The following RPS6KC1 variants were observed in gnomAD, a reference collection of about 807,000 sequenced individuals.
RPS6KC1 encodes inactive ribosomal protein S6 kinase delta-1.
Under a neutral mutation model 103.8 loss-of-function variants are expected in RPS6KC1, and 54 were observed. The observed-to-expected ratio is 0.52, with a 90% CI of 0.42 to 0.65. The LOEUF (loss-of-function observed/expected upper bound fraction) is 0.65. Among genes scored for constraint, RPS6KC1 ranks in the 30% least tolerant of loss-of-function variants. The probability of loss-of-function intolerance (pLI) is 0.00; values close to 1 mark genes in which losing one functional copy is unlikely to be tolerated. For missense variants in RPS6KC1, 1,151 were observed against 1,253.8 expected (o/e 0.92, Z 1.24); for synonymous variants, 439 against 438.7 (o/e 1.00, Z -0.01).
chr1:213,532,823 C>T, the RPS6KC1 span, among the ~76,000 whole-genome samples: 17,722 of 152,172 alleles, frequency 0.12, 1,150 homozygotes, highest in African/African-American at 0.14. Context: ...CATGTGCCAC[C>T]GTCTTGAGAG....
At chr1:213,108,651 TTC>T (rs2082715327) in intron 4 of RPS6KC1, among the ~76,000 whole-genome samples, 1 of 150,446 alleles carries the variant, frequency 6.6e-6, no homozygotes, top group African/African-American at 2.4e-5. Context: ...ATTATTTTAC[TTC>T]TTTTTTTTTT....
the RPS6KC1 span, among the ~76,000 whole-genome samples, chr1:213,456,061 G>A: frequency 6.6e-6 from 1 of 152,120 alleles, no homozygotes; most frequent in East Asian, 1.9e-4. Context: ...CCCAGCCTGT[G>A]CCATCAGAGA....
intron 3 of RPS6KC1, among the ~76,000 whole-genome samples, chr1:213,082,088 T>C (rs969429904): frequency 2.6e-5 from 4 of 151,984 alleles, no homozygotes; most frequent in Non-Finnish European, 5.9e-5. Context: ...AGCTATGGGC[T>C]TTGAGGAGTG....
chr1:213,355,691 C>G, the RPS6KC1 span, among the ~76,000 whole-genome samples: 1 of 152,086 alleles, frequency 6.6e-6, no homozygotes, highest in Non-Finnish European at 1.5e-5. Flanking sequence ...ACTTAGTTAC[C>G]TTTTTGTTTT....
At chr1:213,097,311 G>T (rs185211496) in intron 3 of RPS6KC1, among the ~76,000 whole-genome samples, 2 of 151,460 alleles carry the variant, frequency 1.3e-5, no homozygotes, top group African/African-American at 4.8e-5. Context: ...CTGAGATCGC[G>T]CCACTGCACT....
At chr1:213,479,477 C>T in the RPS6KC1 span, among the ~76,000 whole-genome samples, 5 of 151,948 alleles carry the variant, frequency 3.3e-5, no homozygotes, top group Non-Finnish European at 2.9e-5. Context: ...TGCATCTCTC[C>T]GATTACTTTC....
At chr1:213,743,726 G>T in the RPS6KC1 span, among the ~76,000 whole-genome samples, 10 of 152,292 alleles carry the variant, frequency 6.6e-5, no homozygotes, top group East Asian at 1.9e-3. Context: ...GCACCACCCA[G>T]CCTATGCCGC....
At chr1:213,708,999 G>T in the RPS6KC1 span, among the ~76,000 whole-genome samples, 108 of 152,204 alleles carry the variant, frequency 7.1e-4, no homozygotes, top group African/African-American at 2.6e-3. Context: ...CAGGGATATC[G>T]GCCTGAAATT....
chr1:213,201,673 G>T (rs1458131750), intron 8 of RPS6KC1, among the ~76,000 whole-genome samples: 1 of 152,212 alleles, frequency 6.6e-6, no homozygotes, highest in Non-Finnish European at 1.5e-5. Flanking sequence ...CGGAGGTTGT[G>T]TGTGTTTGAG....
chr1:213,286,037 GAT>G, the RPS6KC1 span, among the ~76,000 whole-genome samples: 8 of 152,182 alleles, frequency 5.3e-5, no homozygotes, highest in Non-Finnish European at 1.0e-4. Context: ...GGACAAAACA[GAT>G]AATATTGGAA....
chr1:213,373,415 C>T, the RPS6KC1 span, among the ~76,000 whole-genome samples: 1 of 152,226 alleles, frequency 6.6e-6, no homozygotes, highest in Non-Finnish European at 1.5e-5. Context: ...GTTCTTATTT[C>T]AGCCCTTGGA....
the RPS6KC1 span, among the ~76,000 whole-genome samples, chr1:213,400,209 A>G: frequency 6.6e-6 from 1 of 152,116 alleles, no homozygotes; most frequent in Non-Finnish European, 1.5e-5. Context: ...GAAGGAAGGA[A>G]GGGAGAGCAG....
chr1:213,295,311 A>G, the RPS6KC1 span, among the ~76,000 whole-genome samples: 5 of 152,216 alleles, frequency 3.3e-5, no homozygotes, highest in Non-Finnish European at 7.3e-5. Context: ...GGAAGTAGAT[A>G]AGGCAACTGT....
the RPS6KC1 span, among the ~76,000 whole-genome samples, chr1:213,477,136 C>G: frequency 1.3e-5 from 2 of 152,314 alleles, no homozygotes; most frequent in African/African-American, 4.8e-5. Flanking sequence ...GTGGCTGCCT[C>G]ACCTGTTCCT....
intron 8 of RPS6KC1, among the ~76,000 whole-genome samples, chr1:213,219,566 T>A (rs1160287424): frequency 6.6e-6 from 1 of 152,200 alleles, no homozygotes; most frequent in Non-Finnish European, 1.5e-5. Flanking sequence ...ACACGTATGT[T>A]TATTGCAGCA....
the RPS6KC1 span, among the ~76,000 whole-genome samples, chr1:213,408,055 T>A: frequency 7.9e-5 from 12 of 152,218 alleles, no homozygotes; most frequent in African/African-American, 2.9e-4. Context: ...ACTCACCTTT[T>A]ACTGCTGGAA....
the RPS6KC1 span, among the ~76,000 whole-genome samples, chr1:213,352,867 G>T: frequency 6.6e-6 from 1 of 152,162 alleles, no homozygotes; most frequent in African/African-American, 2.4e-5. Flanking sequence ...CATTGACAAG[G>T]TATGCAAGAA....
At chr1:213,423,838 G>C in the RPS6KC1 span, among the ~76,000 whole-genome samples, 1 of 152,226 alleles carries the variant, frequency 6.6e-6, no homozygotes, top group Non-Finnish European at 1.5e-5. Context: ...GGTGAATAGC[G>C]AGCTCAAGAG....
chr1:213,238,174 A>C (rs1220232714), intron 10 of RPS6KC1, among the ~76,000 whole-genome samples: 2 of 152,188 alleles, frequency 1.3e-5, no homozygotes, highest in Non-Finnish European at 2.9e-5. Flanking sequence ...AAGGAGTATG[A>C]AGGTGGATGA....
Sources: allele counts gnomAD v4.1 joint callset (sites outside exome capture counted in the v4.1 genomes callset), GRCh38; gene constraint gnomAD v4.1.1; transcripts MANE v1.5; gene names NCBI Gene and HGNC (gene_info 2026-07-23, HGNC 2026-07-21).